KLF12: variants seen among roughly 807,000 people sequenced by gnomAD.
KLF12 encodes Krueppel-like factor 12.
A neutral mutation model predicts 37.8 loss-of-function variants in KLF12; 9 were observed. That is an observed-to-expected ratio of 0.24 (90% CI 0.14 to 0.42). KLF12 has a LOEUF of 0.42. Ranked by LOEUF, KLF12 falls within the 10% of genes least tolerant of loss-of-function variation. The pLI is 1.00. For missense variants in KLF12, 411 were observed against 516.0 expected (o/e 0.80, Z 1.97); for synonymous variants, 208 against 202.1 (o/e 1.03, Z -0.25).
At chr13:73,886,961 C>T (rs1887251916) in intron 3 of KLF12, among the ~76,000 whole-genome samples, 1 of 148,384 alleles carries the variant, frequency 6.7e-6, no homozygotes, top group South Asian at 2.2e-4. Context: ...CATTGTACTC[C>T]AGCCTGGGCA....
intron 2 of KLF12, among the ~76,000 whole-genome samples, chr13:73,952,077 T>C (rs1449106478): frequency 2.6e-5 from 4 of 152,156 alleles, no homozygotes; most frequent in African/African-American, 9.7e-5. Context: ...CCCATATTGG[T>C]GAACAATAAA....
intron 5 of KLF12, among the ~76,000 whole-genome samples, chr13:73,784,146 T>C (rs1881155224): frequency 6.6e-6 from 1 of 152,174 alleles, no homozygotes; most frequent in Non-Finnish European, 1.5e-5. Flanking sequence ...GAAGTCACAA[T>C]CTCTGTTGCT....
intron 6 of KLF12, among the ~76,000 whole-genome samples, chr13:73,719,666 G>A (rs1352305462): frequency 1.3e-5 from 2 of 150,636 alleles, no homozygotes; most frequent in African/African-American, 2.4e-5. Flanking sequence ...TAGGTGGCAC[G>A]ATCATAGCTC....
chr13:74,125,916 C>T (rs968900693), intron 1 of KLF12, among the ~76,000 whole-genome samples: 5 of 152,148 alleles, frequency 3.3e-5, no homozygotes, highest in African/African-American at 9.7e-5. Flanking sequence ...AGGAGTAACA[C>T]AAGGGGAAAG....
chr13:73,725,567 T>C (rs574531464), intron 6 of KLF12, among the ~76,000 whole-genome samples: 1 of 151,654 alleles, frequency 6.6e-6, no homozygotes, highest in Non-Finnish European at 1.5e-5. Flanking sequence ...TAAAGTTCTG[T>C]GATCAATAAG....
chr13:73,864,964 A>G (rs1886099808), intron 3 of KLF12, among the ~76,000 whole-genome samples: 2 of 152,134 alleles, frequency 1.3e-5, no homozygotes, highest in Non-Finnish European at 2.9e-5. Context: ...CAATTGTCCA[A>G]GTACAGGTAT....
intron 3 of KLF12, among the ~76,000 whole-genome samples, chr13:73,858,959 GA>G (rs961944671): frequency 1.4e-4 from 21 of 152,052 alleles, no homozygotes; most frequent in Non-Finnish European, 2.9e-4. Context: ...TAAAACGCAG[GA>G]AAAAAAGCAA....
chr13:73,872,249 A>G (rs1228127550), intron 3 of KLF12, among the ~76,000 whole-genome samples: 2 of 152,202 alleles, frequency 1.3e-5, no homozygotes, highest in African/African-American at 4.8e-5. Context: ...CCTACATGTC[A>G]GCACCACCCA....
intron 1 of KLF12, among the ~76,000 whole-genome samples, chr13:74,090,968 T>C (rs1306229468): frequency 2.0e-5 from 3 of 151,400 alleles, no homozygotes; most frequent in African/African-American, 7.3e-5. Context: ...CTCATACTCT[T>C]CCATTTCGAA....
intron 1 of KLF12, among the ~76,000 whole-genome samples, chr13:74,057,752 C>A (rs1184500435): frequency 1.3e-5 from 2 of 151,954 alleles, no homozygotes; most frequent in African/African-American, 4.8e-5. Context: ...GAGACAGTAA[C>A]ATCCTGAAAG....
the KLF12 span, among the ~76,000 whole-genome samples, chr13:74,249,335 A>C: frequency 1.3e-4 from 12 of 93,842 alleles, no homozygotes; most frequent in South Asian, 4.0e-4. Context: ...AAGCAGGAGC[A>C]TCACACACAC....
chr13:74,074,656 G>A (rs1874463923), intron 1 of KLF12, among the ~76,000 whole-genome samples: 1 of 152,010 alleles, frequency 6.6e-6, no homozygotes, highest in South Asian at 2.1e-4. Flanking sequence ...CTTAGGTTTG[G>A]GGGTACATGT....
intron 4 of KLF12, among the ~76,000 whole-genome samples, chr13:73,817,729 A>T (rs1883310912): frequency 6.6e-6 from 1 of 152,226 alleles, no homozygotes; most frequent in Admixed American, 6.5e-5. Context: ...CATATGCTGC[A>T]TTTTAACCAA....
At chr13:73,999,995 G>T (rs1467401712) in intron 1 of KLF12, among the ~76,000 whole-genome samples, 3 of 152,120 alleles carry the variant, frequency 2.0e-5, no homozygotes, top group Admixed American at 6.5e-5. Flanking sequence ...GTGACCTGGG[G>T]TAAGTTGTTT....
At chr13:74,237,340 C>T in the KLF12 span, among the ~76,000 whole-genome samples, 16 of 144,002 alleles carry the variant, frequency 1.1e-4, no homozygotes, top group South Asian at 6.4e-4. Context: ...TTTTGGTTAC[C>T]GTAGCCTTGT....
chr13:74,146,253 G>C, the KLF12 span, among the ~76,000 whole-genome samples: 2 of 152,160 alleles, frequency 1.3e-5, no homozygotes, highest in African/African-American at 4.8e-5. Flanking sequence ...CTTTCCTGCC[G>C]CTCTATGAGC....
chr13:73,798,802 C>T (rs1189987342), intron 5 of KLF12, among the ~76,000 whole-genome samples: 2 of 152,104 alleles, frequency 1.3e-5, no homozygotes, highest in Admixed American at 1.3e-4. Context: ...ACGTTTTTTG[C>T]ACTGTTGGTA....
chr13:73,899,204 T>C (rs1358332792), intron 3 of KLF12, among the ~76,000 whole-genome samples: 1 of 151,912 alleles, frequency 6.6e-6, no homozygotes, highest in Non-Finnish European at 1.5e-5. Context: ...TCTAAGAAGG[T>C]GGAATAAAAG....
chr13:74,256,067 A>G, the KLF12 span, among the ~76,000 whole-genome samples: 1 of 151,860 alleles, frequency 6.6e-6, no homozygotes, highest in African/African-American at 2.4e-5. Context: ...AGGCAGGAGA[A>G]TGGCGTGAAC....
Sources: gnomAD v4.1 joint callset for allele counts (sites outside exome capture counted in the v4.1 genomes callset) on GRCh38, gnomAD v4.1.1 for gene constraint, MANE v1.5 for transcripts, NCBI Gene and HGNC (gene_info 2026-07-23, HGNC 2026-07-21) for gene names.